Variants in TSPAN14 observed in about 807,000 individuals in gnomAD.
The protein encoded by TSPAN14 is tetraspanin-14.
TSPAN14 carries 16 observed loss-of-function variants against 36.6 expected under a neutral mutation model. The ratio of observed to expected loss-of-function variants is 0.44; its 90% CI spans 0.30 to 0.66. The LOEUF is 0.66. TSPAN14 is among the 30% of genes least tolerant of loss of function. The probability of loss-of-function intolerance (pLI) is 0.12; values close to 1 mark genes in which losing one functional copy is unlikely to be tolerated. For missense variants in TSPAN14, 231 were observed against 355.1 expected, an observed-to-expected ratio of 0.65 and a Z score of 2.81; for synonymous variants, 139 against 143.8, an observed-to-expected ratio of 0.97 and a Z score of 0.24.
At chr10:80,470,156 G>C (rs1029943648) in intron 1 of TSPAN14, among the ~76,000 whole-genome samples, 6 of 152,148 alleles carry the variant, frequency 3.9e-5, no homozygotes, top group Non-Finnish European at 8.8e-5. Flanking sequence ...TGCGTTCTCA[G>C]CTCACTGAAA....
rs2132067147 is a variant in TSPAN14 at position 80,515,964 on chromosome 10, A to G, written c.622-240A>G. ...AAAGTTGGGCTTTAAATCTCTGGAG[A>G]CCTGAAAGGAAACAGCCAGGGAGCC... On this transcript the variant is annotated intron_variant, in intron 7 of 8. Coordinates refer to ENST00000429989, the Ensembl canonical transcript of TSPAN14. 4 of 527,186 alleles carry G rather than the reference A, an allele frequency of 7.6e-6. No individual in the cohort carries two copies. The East Asian group carries it at 1.2e-4, about 16-fold the overall frequency. 32.7% of individuals were successfully genotyped at this position (527,186 alleles called of 1,614,324 possible).
intron 1 of TSPAN14, among the ~76,000 whole-genome samples, chr10:80,458,669 T>C (rs1179320981): frequency 6.6e-6 from 1 of 152,214 alleles, no homozygotes; most frequent in Non-Finnish European, 1.5e-5. Flanking sequence ...TGCCAGCGTT[T>C]CAGTTTGCTT....
intron 1 of TSPAN14, among the ~76,000 whole-genome samples, chr10:80,463,658 G>C (rs984172094): frequency 2.0e-5 from 3 of 152,212 alleles, no homozygotes; most frequent in Admixed American, 2.0e-4. Context: ...TTTTGAGGTT[G>C]CTTTCAGTGT....
Position 80,497,436 on chromosome 10 carries a change from A to G in TSPAN14, c.82-7292A>G, listed in dbSNP as rs115936441. Among the ~76,000 whole-genome samples, 1,241 of 152,306 alleles carry G rather than the reference A, an allele frequency of 8.1e-3. 20 individuals carry two copies. The highest frequency in any genetic ancestry group is 0.029 in the African/African-American group (1,187 of 41,574). On this transcript the variant is annotated intron_variant, in intron 2 of 8. Coordinates refer to ENST00000429989, the Ensembl canonical transcript of TSPAN14. ...GGAACACAGCCACACCCATTCATTTATGTATTATCTATGGCTGCTTTCCCA... is the reference window on the plus strand; with the variant it reads ...GGAACACAGCCACACCCATTCATTTGTGTATTATCTATGGCTGCTTTCCCA...
intron 2 of TSPAN14, among the ~76,000 whole-genome samples, chr10:80,499,876 T>C (rs754729431): frequency 5.3e-5 from 8 of 151,712 alleles, no homozygotes; most frequent in Non-Finnish European, 8.8e-5. Flanking sequence ...CTGGGCCCCG[T>C]TCTTCAGTAG....
intron 2 of TSPAN14, among the ~76,000 whole-genome samples, chr10:80,503,135 C>T: frequency 6.6e-6 from 1 of 151,990 alleles, no homozygotes; most frequent in Middle Eastern, 3.2e-3. Flanking sequence ...ATGGAGCCTG[C>T]AGGATTCGGC....
At chr10:80,513,324 G>A (rs934126115) in intron 6 of TSPAN14, among the ~76,000 whole-genome samples, 5 of 151,984 alleles carry the variant, frequency 3.3e-5, no homozygotes, top group African/African-American at 7.3e-5. Flanking sequence ...GAGTAGAACT[G>A]GGCCAGTTGC....
chr10:80,468,157 A>G (rs1846341803), intron 1 of TSPAN14, among the ~76,000 whole-genome samples: 1 of 152,004 alleles, frequency 6.6e-6, no homozygotes, highest in Non-Finnish European at 1.5e-5. Context: ...TTCCTGGCCC[A>G]GCCTCCATCC....
chr10:80,459,218 G>C (rs930431648), intron 1 of TSPAN14: 1 of 152,280 alleles, frequency 6.6e-6, no homozygotes, highest in Non-Finnish European at 1.5e-5. Flanking sequence ...TGGGCTTGGT[G>C]GGGTTGGGTA....
intron 1 of TSPAN14, among the ~76,000 whole-genome samples, chr10:80,481,215 T>C (rs1301672615): frequency 6.6e-6 from 1 of 152,206 alleles, no homozygotes; most frequent in Non-Finnish European, 1.5e-5. Flanking sequence ...GGATCTTCTT[T>C]AGGGTGTATC....
chr10:80,500,683 ACTG>A (rs1848460153), intron 2 of TSPAN14, among the ~76,000 whole-genome samples: 1 of 152,124 alleles, frequency 6.6e-6, no homozygotes, highest in Non-Finnish European at 1.5e-5. Flanking sequence ...GAGAAAGAGA[ACTG>A]CACGCAGTGG....
At chr10:80,476,879 A>C (rs970704631) in intron 1 of TSPAN14, among the ~76,000 whole-genome samples, 1 of 152,298 alleles carries the variant, frequency 6.6e-6, no homozygotes, top group African/African-American at 2.4e-5. Context: ...AGCTCAACTT[A>C]TTCCCTCCTT....
intron 1 of TSPAN14, among the ~76,000 whole-genome samples, chr10:80,484,941 C>T (rs1847506669): frequency 6.6e-6 from 1 of 152,142 alleles, no homozygotes; most frequent in Non-Finnish European, 1.5e-5. Context: ...AGTTGCTAAC[C>T]AGTTATCTCA....
rs781708793 is a variant in TSPAN14 at position 80,507,390 on chromosome 10, G to A, written c.279+16G>A. ...GCTCAACTTTGTGAGTGGCCACAGAGACAAGAGTGGGATAGGATGCAATGG... is the reference window on the plus strand; with the variant it reads ...GCTCAACTTTGTGAGTGGCCACAGAAACAAGAGTGGGATAGGATGCAATGG... On this transcript the variant is annotated intron_variant, in intron 4 of 8. Transcript: ENST00000429989. 21 of 1,614,090 alleles carry A rather than the reference G, an allele frequency of 1.3e-5. No homozygotes were observed. The highest frequency in any genetic ancestry group is 1.8e-5 in the Non-Finnish European group (21 of 1,180,038).
chr10:80,462,397 C>T (rs1378773174), intron 1 of TSPAN14, among the ~76,000 whole-genome samples: 3 of 146,450 alleles, frequency 2.0e-5, no homozygotes, highest in Non-Finnish European at 4.4e-5. Flanking sequence ...AGGAGTTATT[C>T]TACATAGATA....
chr10:80,520,501 G>C, exon 9 of TSPAN14: 1 of 462,722 alleles, frequency 2.2e-6, no homozygotes, highest in South Asian at 1.7e-5. Flanking sequence ...TTGGAGGCCA[G>C]CTGTGGCATT....
chr10:80,485,789 T>G, intron 1 of TSPAN14: 1 of 674,826 alleles, frequency 1.5e-6, no homozygotes, highest in Non-Finnish European at 1.8e-6. Context: ...ATGTTTCTTT[T>G]CAACAGTTTA....
At chr10:80,489,018 T>C (rs553758855) in intron 1 of TSPAN14, among the ~76,000 whole-genome samples, 199 bp from the exon 2 acceptor site, 28 of 152,360 alleles carry the variant, frequency 1.8e-4, no homozygotes, top group Middle Eastern at 3.4e-3. Context: ...CCTTATCCTT[T>C]CGTTTGTCTT....
At chr10:80,498,023 A>C (rs991543441) in intron 2 of TSPAN14, among the ~76,000 whole-genome samples, 2 of 152,120 alleles carry the variant, frequency 1.3e-5, no homozygotes, top group African/African-American at 4.8e-5. Flanking sequence ...CCGAACTCCC[A>C]CTGACAAGTG....
Sources: allele counts gnomAD v4.1 joint callset (sites outside exome capture counted in the v4.1 genomes callset), GRCh38; gene constraint gnomAD v4.1.1; transcripts MANE v1.5; gene names NCBI Gene and HGNC (gene_info 2026-07-23, HGNC 2026-07-21).